Variants in BORCS5 observed in about 807,000 individuals in gnomAD.
The protein encoded by BORCS5 is BLOC-1-related complex subunit 5.
Under a neutral mutation model 22.1 loss-of-function variants are expected in BORCS5, and 17 were observed. That is an observed-to-expected ratio of 0.77 (90% CI 0.53 to 1.15). The LOEUF is 1.15. BORCS5 is among the 50% of genes most tolerant of loss of function. The pLI is 0.00. For missense variants in BORCS5, 247 were observed against 253.2 expected, an observed-to-expected ratio of 0.98 and a Z score of 0.17; for synonymous variants, 117 against 99.8, an observed-to-expected ratio of 1.17 and a Z score of -1.03.
At chr12:12,438,534 C>T (rs1459773899) in intron 3 of BORCS5, among the ~76,000 whole-genome samples, 1 of 152,094 alleles carries the variant, frequency 6.6e-6, no homozygotes, top group Non-Finnish European at 1.5e-5. Context: ...CATTATAGCA[C>T]ATTTTCAAGA....
At chr12:12,398,991 A>G (rs886511521) in intron 2 of BORCS5, among the ~76,000 whole-genome samples, 1 of 152,018 alleles carries the variant, frequency 6.6e-6, no homozygotes, top group African/African-American at 2.4e-5. Flanking sequence ...TGTATTGGCA[A>G]TTTTTGTCCC....
At position 12,410,545 on chromosome 12, in the gene BORCS5, G is replaced by A. The variant is rs543192027; in HGVS notation, c.203-25083G>A. 6.4e-3 allele frequency among the ~76,000 whole-genome samples: 970 copies of A among 152,004 alleles called. 15 individuals carry two copies. The highest frequency in any genetic ancestry group is 0.021 in the African/African-American group (882 of 41,488). On this transcript the variant is annotated intron_variant, in intron 2 of 3. Coordinates refer to ENST00000314565, the MANE Select transcript of BORCS5 (RefSeq NM_058169.6). ...AAAGATCAGATAGTTGTAGATATGC[G>A]GCATTATTTCTGAGGGCTCTGTTCT...
chr12:12,446,689 C>A (rs968402357), intron 3 of BORCS5, among the ~76,000 whole-genome samples: 3 of 152,186 alleles, frequency 2.0e-5, no homozygotes, highest in African/African-American at 4.8e-5. Flanking sequence ...CGTTGACAGA[C>A]TGACTATAGT....
intron 2 of BORCS5, among the ~76,000 whole-genome samples, chr12:12,379,092 C>T (rs991275270): frequency 2.1e-5 from 3 of 146,058 alleles, no homozygotes; most frequent in African/African-American, 8.1e-5. Flanking sequence ...CTATTTCTTT[C>T]TTTCTTCTTT....
chr12:12,365,095 T>C (rs1381094919), intron 2 of BORCS5, among the ~76,000 whole-genome samples: 4 of 152,220 alleles, frequency 2.6e-5, no homozygotes, highest in Non-Finnish European at 5.9e-5. Flanking sequence ...AACTATTATG[T>C]TGTCTGGCTT....
chr12:12,427,821 G>A (rs1462835194), intron 2 of BORCS5, among the ~76,000 whole-genome samples: 2 of 152,296 alleles, frequency 1.3e-5, no homozygotes, highest in South Asian at 4.2e-4. Flanking sequence ...AACAGAAAGA[G>A]TGAGGGGAGG....
chr12:12,421,127 C>T (rs141988400), intron 2 of BORCS5, among the ~76,000 whole-genome samples: 4,026 of 152,126 alleles, frequency 0.026, 192 homozygotes, highest in African/African-American at 0.09. Context: ...TGTCTTGTGC[C>T]GATTTTCAAA....
rs1287848728 is a variant in BORCS5, at chr12:12,357,206, A to C, written c.-246A>C. The C allele has an allele frequency of 2.0e-6, 3 of 1,506,788 alleles. No individual in the cohort carries two copies. Among genetic ancestry groups the C allele is most frequent in the Admixed American group, 4.3e-5 (2 of 45,984 alleles). 93.3% of individuals were successfully genotyped at this position (1,506,788 alleles called of 1,614,324 possible). On this transcript the variant is annotated 5_prime_UTR_variant, in exon 1 of 4. Transcript: ENST00000314565. ...TCTCTTAGGGCTCCCGGAAAGAAGG[A>C]GGGCTAGCCGCGTGCGTTCGCGCCG...
chr12:12,386,487 C>CT lies in BORCS5; in HGVS notation c.202+25145dup, dbSNP rs930673190. ...TTTTTTATTTGTTCTAGTTCGTTCT[C>CT]TTTTTTTGAGACAAAGTCTTGCTTT... On this transcript the variant is annotated intron_variant, in intron 2 of 3. Transcript: ENST00000314565. Among the ~76,000 whole-genome samples the CT allele has an allele frequency of 7.1e-5, 10 of 141,462 alleles. 1 individual carries two copies. Among genetic ancestry groups the CT allele is most frequent in the Non-Finnish European group, 1.1e-4 (7 of 65,654 alleles). The allele number at this position is 141,462 out of a possible 152,430, so 92.8% of individuals were successfully genotyped here. A position where few individuals can be genotyped will look rare whatever the true frequency, so the allele number is the denominator to read the frequency against.
intron 2 of BORCS5, among the ~76,000 whole-genome samples, chr12:12,363,991 A>T (rs1407153496): frequency 6.6e-6 from 1 of 152,204 alleles, no homozygotes; most frequent in Non-Finnish European, 1.5e-5. Context: ...GATAGCATAA[A>T]CAGTTGATTA....
chr12:12,465,804 A>C lies in BORCS5; in HGVS notation c.*28A>C. 2 of 1,585,196 alleles carry C rather than the reference A, an allele frequency of 1.3e-6. No individual in the cohort carries two copies. Among genetic ancestry groups the C allele is most frequent in the Non-Finnish European group, 1.7e-6 (2 of 1,162,234 alleles). ...GCTGCCCGGCCTGCCTGGGGCTGGG[A>C]GCCCCAGACACCGACACCCTGAGGA... On this transcript the variant is annotated 3_prime_UTR_variant, in exon 4 of 4. Coordinates refer to ENST00000314565, the MANE Select transcript of BORCS5 (RefSeq NM_058169.6).
At chr12:12,440,700 T>G (rs2136132261) in intron 3 of BORCS5, among the ~76,000 whole-genome samples, 1 of 152,028 alleles carries the variant, frequency 6.6e-6, no homozygotes. Context: ...AAATTAACTT[T>G]GGGGCTTCAG....
chr12:12,444,536 A>C (rs1056230795), intron 3 of BORCS5, among the ~76,000 whole-genome samples: 2 of 152,244 alleles, frequency 1.3e-5, no homozygotes, highest in Admixed American at 1.3e-4. Flanking sequence ...ACATGGCCAC[A>C]GCTAACTCCA....
chr12:12,381,510 G>GT (rs1863774483), intron 2 of BORCS5, among the ~76,000 whole-genome samples: 2 of 151,252 alleles, frequency 1.3e-5, no homozygotes, highest in Non-Finnish European at 3.0e-5. Flanking sequence ...GACCATAAAT[G>GT]TAAGGGTTTA....
chr12:12,357,899 G>C (rs1592045534), intron 1 of BORCS5, among the ~76,000 whole-genome samples: 1 of 152,192 alleles, frequency 6.6e-6, no homozygotes, highest in Non-Finnish European at 1.5e-5. Context: ...GGGTGTTAGA[G>C]GTTCCTTTTC....
chr12:12,359,863 C>G (rs1322949919), intron 1 of BORCS5, among the ~76,000 whole-genome samples: 3 of 151,936 alleles, frequency 2.0e-5, no homozygotes, highest in Non-Finnish European at 4.4e-5. Context: ...ATGTCTAATT[C>G]CTTTCCTAAC....
chr12:12,464,199 ATG>A (rs1157999880), intron 3 of BORCS5, among the ~76,000 whole-genome samples: 6 of 105,532 alleles, frequency 5.7e-5, no homozygotes, highest in African/African-American at 2.4e-4. Flanking sequence ...TCTCACTCCC[ATG>A]TTTTTTTTTT....
chr12:12,429,237 CCTT>C (rs1316929905), intron 2 of BORCS5, among the ~76,000 whole-genome samples: 6 of 152,234 alleles, frequency 3.9e-5, no homozygotes, highest in Non-Finnish European at 8.8e-5. Flanking sequence ...AGCTTTCTGT[CCTT>C]CTCCCTCTTT....
At chr12:12,461,387 C>T (rs1393846934) in intron 3 of BORCS5, among the ~76,000 whole-genome samples, 3 of 151,988 alleles carry the variant, frequency 2.0e-5, no homozygotes, top group African/African-American at 7.3e-5. Context: ...GTCGTGGCTG[C>T]TCTTGAGTTC....
Sources: allele counts gnomAD v4.1 joint callset (sites outside exome capture counted in the v4.1 genomes callset), GRCh38; gene constraint gnomAD v4.1.1; transcripts MANE v1.5; gene names NCBI Gene and HGNC (gene_info 2026-07-23, HGNC 2026-07-21).